Variants in TMCC1 observed in about 807,000 individuals in gnomAD.
The protein encoded by TMCC1 is transmembrane and coiled-coil domain family 1.
A neutral mutation model predicts 52.4 loss-of-function variants in TMCC1; 15 were observed. The ratio of observed to expected loss-of-function variants is 0.29; its 90% CI spans 0.19 to 0.44. TMCC1 has a LOEUF of 0.44. Among genes scored for constraint, TMCC1 ranks in the 20% least tolerant of loss-of-function variants. The pLI is 1.00. For synonymous variants in TMCC1, 279 were observed against 301.9 expected (o/e 0.92, Z 0.79); for missense variants, 503 against 806.0 (o/e 0.62, Z 4.55).
chr3:129,692,794 C>G (rs1244652922), intron 4 of TMCC1, among the ~76,000 whole-genome samples: 1 of 152,052 alleles, frequency 6.6e-6, no homozygotes, highest in Non-Finnish European at 1.5e-5. Context: ...TTTTTTGTCC[C>G]AAACTAAAGT....
At chr3:129,698,810 T>C (rs1287374201) in intron 4 of TMCC1, among the ~76,000 whole-genome samples, 1 of 152,034 alleles carries the variant, frequency 6.6e-6, no homozygotes, top group Non-Finnish European at 1.5e-5. Flanking sequence ...ACAGAGAACA[T>C]ACAAGGGCCT....
At chr3:129,852,066 T>C (rs1225322515) in intron 2 of TMCC1, among the ~76,000 whole-genome samples, 2 of 152,078 alleles carry the variant, frequency 1.3e-5, no homozygotes, top group Non-Finnish European at 2.9e-5. Flanking sequence ...GGCAGGAGGA[T>C]TGTTTGAACC....
chr3:129,701,994 A>C (rs926201400), intron 4 of TMCC1, among the ~76,000 whole-genome samples: 7 of 152,192 alleles, frequency 4.6e-5, no homozygotes, highest in Non-Finnish European at 8.8e-5. Context: ...TTTAAAAATA[A>C]AATGGTATAA....
At chr3:129,677,939 GT>G (rs1239105407) in intron 4 of TMCC1, among the ~76,000 whole-genome samples, 1 of 152,074 alleles carries the variant, frequency 6.6e-6, no homozygotes, top group Non-Finnish European at 1.5e-5. Context: ...TTTTTTATTT[GT>G]TTTTGAGACA....
At chr3:129,747,690 C>T (rs759183476) in intron 4 of TMCC1, among the ~76,000 whole-genome samples, 22 of 149,084 alleles carry the variant, frequency 1.5e-4, no homozygotes, top group Non-Finnish European at 2.5e-4. Flanking sequence ...CCTCATCCCA[C>T]TTGGGCTCTG....
chr3:129,739,517 A>G (rs1389579186), intron 4 of TMCC1, among the ~76,000 whole-genome samples: 1 of 151,938 alleles, frequency 6.6e-6, no homozygotes, highest in East Asian at 1.9e-4. Flanking sequence ...ATAAGATCAT[A>G]GTTCAGTGAA....
intron 4 of TMCC1, among the ~76,000 whole-genome samples, chr3:129,702,881 T>A (rs567222501): frequency 1.3e-5 from 2 of 152,148 alleles, no homozygotes; most frequent in Non-Finnish European, 2.9e-5. Context: ...CTGGGCGTGA[T>A]AGCGTGCGCC....
Position 129,796,305 on chromosome 3 carries a change from T to C in TMCC1, c.576+31498A>G, listed in dbSNP as rs192464741. ...TAGTAGGTTATGCTATCTAGGTTTA[T>C]GTAAGGACACTCTACGATGTTCTCA... On this transcript the variant is annotated intron_variant, in intron 4 of 6. Coordinates refer to ENST00000393238, the MANE Select transcript of TMCC1 (RefSeq NM_001017395.5). Among the ~76,000 whole-genome samples, 80 of 152,314 alleles carry C rather than the reference T, an allele frequency of 5.3e-4. No homozygotes were observed. The East Asian group carries it at 0.015, about 28-fold the overall frequency.
chr3:129,841,180 T>C (rs181589074), intron 2 of TMCC1, among the ~76,000 whole-genome samples: 158 of 152,312 alleles, frequency 1.0e-3, no homozygotes, highest in African/African-American at 3.4e-3. Context: ...TGGCATTTTG[T>C]CCCTGCCCTA....
In TMCC1 at chr3:129,886,429, G is replaced by GT. The variant is rs2061705269; in HGVS notation, c.-434-5871dup. ...TTACATACTCAAGAGAACTGAAAAT[G>GT]TATGTTCAAACAAAAGCTTATACAA... On this transcript the variant is annotated intron_variant, in intron 1 of 6. Coordinates refer to ENST00000393238, the MANE Select transcript of TMCC1 (RefSeq NM_001017395.5). Among the ~76,000 whole-genome samples, 3 of 152,076 alleles carry GT rather than the reference G, an allele frequency of 2.0e-5. No individual in the cohort carries two copies. The South Asian group carries it at 6.2e-4, about 32-fold the overall frequency.
At chr3:129,778,133 T>C (rs1481971984) in intron 4 of TMCC1, among the ~76,000 whole-genome samples, 1 of 152,216 alleles carries the variant, frequency 6.6e-6, no homozygotes, top group East Asian at 1.9e-4. Context: ...GCAGTAGGGC[T>C]AAAGACCTTC....
intron 4 of TMCC1, among the ~76,000 whole-genome samples, chr3:129,752,034 T>C (rs532155397): frequency 4.2e-4 from 64 of 152,320 alleles, no homozygotes; most frequent in African/African-American, 1.5e-3. Context: ...TTATGCATAA[T>C]CTAAAAGTTT....
intron 4 of TMCC1, among the ~76,000 whole-genome samples, chr3:129,706,576 C>T (rs948103270): frequency 6.6e-6 from 1 of 151,888 alleles, no homozygotes; most frequent in Non-Finnish European, 1.5e-5. Context: ...GAGAAGAAAC[C>T]CTGTACTGAG....
At chr3:129,844,630 G>GA (rs2059577783) in intron 2 of TMCC1, among the ~76,000 whole-genome samples, 1 of 152,174 alleles carries the variant, frequency 6.6e-6, no homozygotes, top group Non-Finnish European at 1.5e-5. Context: ...GTAACCGCAA[G>GA]AAAGGTGCTA....
At chr3:129,714,439 TATC>T (rs2107576590) in intron 4 of TMCC1, among the ~76,000 whole-genome samples, 1 of 152,308 alleles carries the variant, frequency 6.6e-6, no homozygotes, top group South Asian at 2.1e-4. Context: ...TATTTTCACT[TATC>T]ATTTGTATTT....
chr3:129,870,759 C>CA (rs61673201), intron 2 of TMCC1, among the ~76,000 whole-genome samples: 498 of 10,644 alleles, frequency 0.047, 85 homozygotes, highest in South Asian at 0.12. Flanking sequence ...GACTCCATCT[C>CA]AAAAAAAAAA....
At chr3:129,734,639 C>T (rs949136427) in intron 4 of TMCC1, among the ~76,000 whole-genome samples, 4 of 152,092 alleles carry the variant, frequency 2.6e-5, no homozygotes, top group Admixed American at 2.6e-4. Flanking sequence ...GCTGTGATTG[C>T]ATCACTGCAC....
At chr3:129,829,346 GGT>G (rs2058799523) in intron 3 of TMCC1, among the ~76,000 whole-genome samples, 1 of 149,334 alleles carries the variant, frequency 6.7e-6, no homozygotes, top group African/African-American at 2.5e-5. Flanking sequence ...GAAAAAGAAA[GGT>G]CAAACAGCAA....
intron 4 of TMCC1, among the ~76,000 whole-genome samples, chr3:129,810,301 T>C (rs1013051058): frequency 6.6e-6 from 1 of 151,954 alleles, no homozygotes; most frequent in African/African-American, 2.4e-5. Flanking sequence ...GGGGTTGCAG[T>C]GAGCCAAGAT....
Sources: allele counts gnomAD v4.1 joint callset (sites outside exome capture counted in the v4.1 genomes callset), GRCh38; gene constraint gnomAD v4.1.1; transcripts MANE v1.5; gene names NCBI Gene and HGNC (gene_info 2026-07-23, HGNC 2026-07-21).